Variants in SLC6A6 observed in about 807,000 individuals in gnomAD.
SLC6A6 encodes solute carrier family 6 member 6.
Under a neutral mutation model 68.8 loss-of-function variants are expected in SLC6A6, and 16 were observed. The ratio of observed to expected loss-of-function variants is 0.23; its 90% CI spans 0.16 to 0.35. SLC6A6 has a LOEUF of 0.35. Ranked by LOEUF, SLC6A6 falls within the 10% of genes least tolerant of loss-of-function variation. The probability of loss-of-function intolerance (pLI) is 1.00; values close to 1 mark genes in which losing one functional copy is unlikely to be tolerated. For synonymous variants in SLC6A6, 312 were observed against 315.4 expected (o/e 0.99, Z 0.12); for missense variants, 474 against 802.8 (o/e 0.59, Z 4.95).
chr3:14,410,976 A>T (rs1559282934), intron 1 of SLC6A6: 1 of 152,346 alleles, frequency 6.6e-6, no homozygotes, highest in Non-Finnish European at 1.5e-5. Context: ...GACTCAGGTC[A>T]TGATTTCAAG....
intron 5 of SLC6A6, among the ~76,000 whole-genome samples, chr3:14,448,682 C>G (rs1179567934): frequency 6.6e-6 from 1 of 152,224 alleles, no homozygotes; most frequent in Non-Finnish European, 1.5e-5. Flanking sequence ...TCTGTCTCTT[C>G]ATGAGAGGAG....
intron 2 of SLC6A6, among the ~76,000 whole-genome samples, chr3:14,419,287 G>A (rs1050933817): frequency 1.3e-5 from 2 of 152,190 alleles, no homozygotes; most frequent in Admixed American, 6.5e-5. Flanking sequence ...GAGGAACAGG[G>A]TGGAAGAACA....
intron 9 of SLC6A6, among the ~76,000 whole-genome samples, chr3:14,470,648 C>T (rs555967245): frequency 2.6e-3 from 393 of 152,204 alleles, no homozygotes; most frequent in Admixed American, 4.7e-3. Flanking sequence ...TGGCTGGACT[C>T]GATTCCTCAT....
At chr3:14,471,285 C>T (rs1239165527) in intron 9 of SLC6A6, among the ~76,000 whole-genome samples, 3 of 152,008 alleles carry the variant, frequency 2.0e-5, no homozygotes, top group East Asian at 1.9e-4. Context: ...TCTCTGTCTC[C>T]GGAATGTCTC....
chr3:14,472,296 C>T lies in SLC6A6; in HGVS notation c.1188C>T (p.Leu396=), dbSNP rs759115097. 5 of 1,607,284 alleles carry T rather than the reference C, an allele frequency of 3.1e-6. No homozygotes were observed. The highest frequency in any genetic ancestry group is 2.6e-6 in the Non-Finnish European group (3 of 1,173,830). The change falls in exon 10 of 15, where the codon CTC becomes CTT. Residue 396 remains leucine (L), a synonymous_variant. Coordinates refer to ENST00000622186, the MANE Select transcript of SLC6A6 (RefSeq NM_003043.6). This position sits in a 1 kb window ranked among gnomAD's most constrained non-coding sequence, Gnocchi z 4.5. ...CCATTCTTTTTTTTATTATGCTTCT[C>T]TTGCTTGGACTGGATAGCCAGGTGC... is the stretch of plus-strand genomic sequence containing the variant. ...FWSILFFIML[L]LLGLDSQFVE...
intron 12 of SLC6A6, 67 bp from the exon 13 acceptor site, chr3:14,479,018 C>CA (rs1700946785): frequency 1.0e-6 from 1 of 987,292 alleles, no homozygotes; most frequent in African/African-American, 1.6e-5. Context: ...AGACCCCACT[C>CA]ATGGCCCCTG....
rs756266752 is a variant in SLC6A6 at position 14,481,838 on chromosome 3, T to C, written c.1719T>C (p.Leu573=). Residue 573 remains leucine, a synonymous_variant, in exon 14 of 15, where the codon CTT becomes CTC. Transcript: ENST00000622186. The surrounding 1 kb of genome is among the most constrained non-coding windows in gnomAD (Gnocchi z 4.7). Reference sequence around the variant, plus strand: ...TCTGCCAGACTGAGGGGCCGTTCCTTGTGGTAAGTGCTTGGGCCCAGGGCC... The same window carrying C: ...TCTGCCAGACTGAGGGGCCGTTCCTCGTGGTAAGTGCTTGGGCCCAGGGCC... ...IRLCQTEGPF[L]VRVKYLLTPR... is the part of the protein sequence containing the mutation. 8.1e-6 allele frequency: 13 copies of C among 1,613,416 alleles called. No homozygotes were observed. In the Admixed American group the frequency reaches 1.0e-4, roughly 12 times the overall value.
intron 9 of SLC6A6, among the ~76,000 whole-genome samples, chr3:14,471,229 G>T (rs531513741): frequency 7.1e-6 from 1 of 141,512 alleles, no homozygotes; most frequent in Non-Finnish European, 1.5e-5. Flanking sequence ...AATTATTTCC[G>T]TTGGCATCCG....
At chr3:14,432,951 A>C (rs1699762995) in intron 2 of SLC6A6, among the ~76,000 whole-genome samples, 1 of 152,228 alleles carries the variant, frequency 6.6e-6, no homozygotes, top group South Asian at 2.1e-4. Flanking sequence ...CCCAGCTCTC[A>C]GGGACTCTTT....
intron 5 of SLC6A6, among the ~76,000 whole-genome samples, chr3:14,457,134 G>A (rs1700386775): frequency 6.6e-6 from 1 of 152,172 alleles, no homozygotes; most frequent in South Asian, 2.1e-4. Flanking sequence ...AGGGCAGCAG[G>A]AATCAGCTCG....
chr3:14,470,670 C>A (rs931259456), intron 9 of SLC6A6, among the ~76,000 whole-genome samples: 2 of 152,148 alleles, frequency 1.3e-5, no homozygotes, highest in African/African-American at 4.8e-5. Context: ...CAGTGTGGAC[C>A]AGTCAGGGCC....
At chr3:14,424,711 C>G (rs1188769598) in intron 2 of SLC6A6, among the ~76,000 whole-genome samples, 1 of 152,180 alleles carries the variant, frequency 6.6e-6, no homozygotes, top group Non-Finnish European at 1.5e-5. Context: ...ACAACTGGCT[C>G]CTGAACAGAC....
chr3:14,444,935 C>T, intron 3 of SLC6A6: 1 of 444,386 alleles, frequency 2.3e-6, no homozygotes, highest in South Asian at 1.6e-5. Flanking sequence ...CCGGAGATGC[C>T]TACCCTCTGC....
At chr3:14,431,245 C>T (rs1400830916) in intron 2 of SLC6A6, among the ~76,000 whole-genome samples, 3 of 152,212 alleles carry the variant, frequency 2.0e-5, no homozygotes, top group Admixed American at 6.5e-5. Context: ...TTTGCTCTGT[C>T]GCCCTCGTAG....
At chr3:14,405,541 G>C (rs746215347) in intron 1 of SLC6A6, among the ~76,000 whole-genome samples, 1 of 152,246 alleles carries the variant, frequency 6.6e-6, no homozygotes, top group Admixed American at 6.5e-5. Context: ...GGGAATTGGG[G>C]TTGGCCTGAA....
chr3:14,408,126 C>G (rs556431014), intron 1 of SLC6A6, among the ~76,000 whole-genome samples: 1 of 152,248 alleles, frequency 6.6e-6, no homozygotes, highest in Non-Finnish European at 1.5e-5. Flanking sequence ...TTTCCTTTCT[C>G]TAGGACTAGA....
At chr3:14,455,122 A>G (rs1700339637) in intron 5 of SLC6A6, among the ~76,000 whole-genome samples, 1 of 152,200 alleles carries the variant, frequency 6.6e-6, no homozygotes, top group Non-Finnish European at 1.5e-5. Flanking sequence ...ATGTAACTAT[A>G]GGAGGTAATC....
At chr3:14,466,041 C>A (rs1333105667) in intron 6 of SLC6A6, among the ~76,000 whole-genome samples, 1 of 151,998 alleles carries the variant, frequency 6.6e-6, no homozygotes, top group Non-Finnish European at 1.5e-5. Flanking sequence ...GCAGGTGGAT[C>A]ATTTGAGGCC....
chr3:14,484,810 G>A (rs200717708), intron 14 of SLC6A6, 57 bp from the exon 15 acceptor site: 30 of 1,588,432 alleles, frequency 1.9e-5, no homozygotes, highest in African/African-American at 9.4e-5. Flanking sequence ...TGGCCCTGGC[G>A]AAGGGGAGAC....
Sources: gnomAD v4.1 joint callset for allele counts (sites outside exome capture counted in the v4.1 genomes callset) on GRCh38, gnomAD v4.1.1 for gene constraint, Gnocchi (gnomAD v3.1) non-coding constraint, MANE v1.5 for transcripts, NCBI Gene and HGNC (gene_info 2026-07-23, HGNC 2026-07-21) for gene names.